RORA: variants seen among roughly 807,000 people sequenced by gnomAD.
The protein encoded by RORA is RAR related orphan receptor A, also known as nuclear receptor ROR-alpha.
A neutral mutation model predicts 69.5 loss-of-function variants in RORA; 7 were observed. The ratio of observed to expected loss-of-function variants is 0.10; its 90% CI spans 0.06 to 0.19. The LOEUF is 0.19. Among genes scored for constraint, RORA ranks in the 10% least tolerant of loss-of-function variants. The pLI, the probability that RORA is intolerant of heterozygous loss-of-function variation, is 1.00. For missense variants in RORA, 457 were observed against 663.0 expected, an observed-to-expected ratio of 0.69 and a Z score of 3.41; for synonymous variants, 261 against 240.8, an observed-to-expected ratio of 1.08 and a Z score of -0.78.
At chr15:61,208,052 A>G (rs1017504493) in intron 1 of RORA, among the ~76,000 whole-genome samples, 1 of 152,234 alleles carries the variant, frequency 6.6e-6, no homozygotes, top group Non-Finnish European at 1.5e-5. Flanking sequence ...GAAGGCCTGA[A>G]ATAAAGACCT....
intron 1 of RORA, among the ~76,000 whole-genome samples, chr15:61,206,329 T>C (rs1038363470): frequency 1.3e-4 from 20 of 152,292 alleles, no homozygotes; most frequent in Middle Eastern, 6.8e-3. Flanking sequence ...TTGTGAACAC[T>C]AGCATATTCA....
chr15:60,560,539 A>T (rs2067504663), intron 2 of RORA, among the ~76,000 whole-genome samples: 1 of 152,144 alleles, frequency 6.6e-6, no homozygotes, highest in East Asian at 1.9e-4. Context: ...AAAAAAAAAA[A>T]TTAGCCGAGT....
intron 1 of RORA, among the ~76,000 whole-genome samples, chr15:60,801,116 C>T (rs1274365689): frequency 1.3e-5 from 2 of 152,206 alleles, no homozygotes; most frequent in Admixed American, 6.5e-5. Flanking sequence ...CACACTACTG[C>T]CAACCCTTAG....
chr15:60,866,623 G>A (rs993421763), intron 1 of RORA, among the ~76,000 whole-genome samples: 3 of 152,152 alleles, frequency 2.0e-5, no homozygotes, highest in Admixed American at 6.5e-5. Flanking sequence ...GGAGGAGAGA[G>A]GGGCTGGAGT....
intron 2 of RORA, among the ~76,000 whole-genome samples, chr15:60,645,989 C>T (rs560279951): frequency 1.3e-5 from 2 of 152,284 alleles, no homozygotes; most frequent in East Asian, 1.9e-4. Flanking sequence ...CATGAAAACA[C>T]AACTTCGGGG....
chr15:60,858,905 A>G (rs1008868429), intron 1 of RORA, among the ~76,000 whole-genome samples: 2 of 152,092 alleles, frequency 1.3e-5, no homozygotes, highest in African/African-American at 4.8e-5. Context: ...TGCAGCCGAA[A>G]GAAGGCCCGG....
intron 1 of RORA, among the ~76,000 whole-genome samples, chr15:60,708,754 G>A (rs1158156672): frequency 1.3e-5 from 2 of 152,148 alleles, no homozygotes; most frequent in East Asian, 1.9e-4. Flanking sequence ...AGTCTGTTTG[G>A]TATTCAGTTA....
chr15:60,514,115 T>C (rs940143694), intron 4 of RORA, among the ~76,000 whole-genome samples: 4 of 152,240 alleles, frequency 2.6e-5, no homozygotes, highest in African/African-American at 9.6e-5. Context: ...CTTTGCACTA[T>C]TTTCACACAT....
At chr15:60,756,393 T>C (rs1456189585) in intron 1 of RORA, among the ~76,000 whole-genome samples, 1 of 152,216 alleles carries the variant, frequency 6.6e-6, no homozygotes, top group African/African-American at 2.4e-5. Context: ...TTTTTGGTAA[T>C]GACAAATAGT....
In RORA at chr15:61,061,173, G is replaced by A. The variant is rs1288971402; in HGVS notation, c.166+167880C>T. On this transcript the variant is annotated intron_variant, in intron 1 of 10. Transcript: ENST00000335670. The surrounding 1 kb of genome is among the most constrained non-coding windows in gnomAD (Gnocchi z 4.4). ...TCGAGACCATCCTGGCTAACATGGT[G>A]AAACCCCGTCTCTACTAAAACCACA... Among the ~76,000 whole-genome samples, 1 of 152,026 alleles carries A rather than the reference G, an allele frequency of 6.6e-6. No individual in the cohort carries two copies. The highest frequency in any genetic ancestry group is 1.5e-5 in the Non-Finnish European group (1 of 68,026).
chr15:60,675,730 T>C (rs1448613782), intron 2 of RORA, among the ~76,000 whole-genome samples: 1 of 152,212 alleles, frequency 6.6e-6, no homozygotes, highest in Non-Finnish European at 1.5e-5. Flanking sequence ...ATACCTGTGC[T>C]TTCCAGATAA....
rs775402594 is a variant in RORA at position 60,502,809 on chromosome 15, G to C, written c.1134C>G (p.Thr378=). 8 of 1,613,920 alleles carry C rather than the reference G, an allele frequency of 5.0e-6. No homozygotes were observed. Among genetic ancestry groups the C allele is most frequent in the East Asian group, 2.2e-5 (1 of 44,874 alleles). ...MCRAFDSQNN[T]VYFDGKYASP... Reference sequence around the variant, plus strand: ...TGGCATACTTCCCATCAAAGTACACGGTGTTGTTCTGAGAGTCAAAGGCAC... The same window carrying C: ...TGGCATACTTCCCATCAAAGTACACCGTGTTGTTCTGAGAGTCAAAGGCAC... The change falls in exon 8 of 11, where the codon ACC becomes ACG. Residue 378 remains threonine (T), a synonymous_variant. Coordinates refer to ENST00000335670, the MANE Select transcript of RORA (RefSeq NM_134261.3).
intron 1 of RORA, among the ~76,000 whole-genome samples, chr15:61,142,245 A>G (rs1281728497): frequency 6.6e-6 from 1 of 152,076 alleles, no homozygotes; most frequent in African/African-American, 2.4e-5. Flanking sequence ...ACCTCCTCTG[A>G]GCACTTGCTG....
At chr15:61,005,662 C>T (rs923579131) in intron 1 of RORA, among the ~76,000 whole-genome samples, 4 of 152,018 alleles carry the variant, frequency 2.6e-5, no homozygotes, top group Non-Finnish European at 1.5e-5. Context: ...ATGTTCTAAG[C>T]GTATAGCTAA....
Position 60,680,952 on chromosome 15 carries a change from G to A in RORA, c.167-2266C>T, listed in dbSNP as rs143255770. Reference sequence around the variant, plus strand: ...TACAACTGCTTAATTATGGAGATACGACTGTGCATGATATTTAATTTTTTT... The same window carrying A: ...TACAACTGCTTAATTATGGAGATACAACTGTGCATGATATTTAATTTTTTT... On this transcript the variant is annotated intron_variant, in intron 1 of 10. Transcript: ENST00000335670. Among the ~76,000 whole-genome samples, 402 of 152,178 alleles carry A rather than the reference G, an allele frequency of 2.6e-3. 2 individuals are homozygous for A. Among genetic ancestry groups the A allele is most frequent in the Non-Finnish European group, 4.5e-3 (308 of 68,014 alleles).
intron 1 of RORA, among the ~76,000 whole-genome samples, chr15:60,948,477 A>G (rs1892972291): frequency 6.6e-6 from 1 of 152,266 alleles, no homozygotes; most frequent in Non-Finnish European, 1.5e-5. Flanking sequence ...TAGTAACTAA[A>G]AATAGATGAA....
intron 2 of RORA, among the ~76,000 whole-genome samples, chr15:60,595,862 G>C (rs1200066374): frequency 1.3e-5 from 2 of 152,180 alleles, no homozygotes; most frequent in African/African-American, 4.8e-5. Flanking sequence ...ACTCATCTCA[G>C]AGTCTCCCAG....
intron 1 of RORA, among the ~76,000 whole-genome samples, chr15:60,694,759 T>C (rs1380468791): frequency 6.6e-6 from 1 of 152,166 alleles, no homozygotes; most frequent in East Asian, 1.9e-4. Flanking sequence ...ACCAGCACTC[T>C]CAAGGCCTTT....
At chr15:60,741,041 C>G (rs7178643) in intron 1 of RORA, among the ~76,000 whole-genome samples, 2,939 of 152,304 alleles carry the variant, frequency 0.019, 111 homozygotes, top group African/African-American at 0.068. Flanking sequence ...AGTGGCAATG[C>G]TGTGGTTTAG....
Sources: allele counts gnomAD v4.1 joint callset (sites outside exome capture counted in the v4.1 genomes callset), GRCh38; gene constraint gnomAD v4.1.1; non-coding constraint Gnocchi (gnomAD v3.1); transcripts MANE v1.5; gene names NCBI Gene and HGNC (gene_info 2026-07-23, HGNC 2026-07-21).